The following TMC1 variants were observed in gnomAD, a reference collection of about 807,000 sequenced individuals.
The protein encoded by TMC1 is transmembrane channel like 1.
TMC1 carries 84 observed loss-of-function variants against 105.8 expected under a neutral mutation model. The observed-to-expected ratio is 0.79, with a 90% confidence interval of 0.67 to 0.95. The LOEUF (loss-of-function observed/expected upper bound fraction) is 0.95, where lower values mean the gene tolerates loss of function less well. Among genes scored for constraint, TMC1 ranks in the 40% least tolerant of loss-of-function variants. TMC1 has a pLI of 0.00. For synonymous variants in TMC1, 315 were observed against 311.5 expected (o/e 1.01, Z -0.12); for missense variants, 817 against 914.1 (o/e 0.89, Z 1.37).
chr9:72,758,557 A>T (rs966709379), intron 12 of TMC1, among the ~76,000 whole-genome samples: 11 of 152,196 alleles, frequency 7.2e-5, no homozygotes, highest in African/African-American at 2.4e-4. Context: ...CTGCCTGAGC[A>T]CAGATTGTCT....
At chr9:72,744,308 G>T (rs1246879753) in intron 10 of TMC1, among the ~76,000 whole-genome samples, 1 of 151,988 alleles carries the variant, frequency 6.6e-6, no homozygotes, top group African/African-American at 2.4e-5. Context: ...CCAATAGATG[G>T]GAAATTTAGT....
chr9:72,832,788 G>T (rs1419126464), intron 23 of TMC1, among the ~76,000 whole-genome samples: 2 of 151,978 alleles, frequency 1.3e-5, no homozygotes, highest in Admixed American at 1.3e-4. Flanking sequence ...AGTTTTTAAT[G>T]AAATTTTTAA....
intron 20 of TMC1, among the ~76,000 whole-genome samples, chr9:72,824,851 C>G (rs1179914404): frequency 2.6e-5 from 4 of 152,226 alleles, no homozygotes; most frequent in Non-Finnish European, 5.9e-5. Flanking sequence ...TAACTTGGAC[C>G]TTGGCTTTCA....
At chr9:72,646,670 G>A (rs1016924754) in intron 4 of TMC1, among the ~76,000 whole-genome samples, 11 of 150,660 alleles carry the variant, frequency 7.3e-5, no homozygotes, top group African/African-American at 1.5e-4. Context: ...GTCTCGCCCC[G>A]TCCTGCAGAC....
intron 12 of TMC1, among the ~76,000 whole-genome samples, chr9:72,758,115 T>C (rs1827700637): frequency 6.6e-6 from 1 of 152,234 alleles, no homozygotes; most frequent in Non-Finnish European, 1.5e-5. Context: ...GAATTTTATA[T>C]GATATACAAG....
At chr9:72,683,749 A>ATATATATATAT (rs1826330719) in intron 5 of TMC1, among the ~76,000 whole-genome samples, 1 of 104,188 alleles carries the variant, frequency 9.6e-6, no homozygotes, top group Non-Finnish European at 1.8e-5. Context: ...ATATATATAT[A>ATATATATATAT]TATATATATA....
intron 4 of TMC1, among the ~76,000 whole-genome samples, chr9:72,629,778 T>G (rs1435707842): frequency 1.3e-5 from 2 of 152,220 alleles, no homozygotes; most frequent in Admixed American, 1.3e-4. Flanking sequence ...ATGATAACTT[T>G]AGAAATTCTA....
intron 13 of TMC1, among the ~76,000 whole-genome samples, chr9:72,785,940 A>G (rs920421288): frequency 4.6e-5 from 7 of 152,196 alleles, no homozygotes; most frequent in Non-Finnish European, 7.4e-5. Context: ...GTGGGCTTCT[A>G]GAAAATTGTT....
chr9:72,805,404 C>G lies in TMC1; in HGVS notation c.1589C>G (p.Ser530Cys). 1 of 1,613,910 alleles carries G rather than the reference C, an allele frequency of 6.2e-7. No individual in the cohort carries two copies. Among genetic ancestry groups the G allele is most frequent in the Non-Finnish European group, 8.5e-7 (1 of 1,179,908 alleles). ...VGQEFVRLTV[S>C]DVLTTYVTIL... ...CAGGAGTTTGTGAGGCTGACAGTCT[C>G]TGATGTTCTGACCACCTACGTCACA... Residue 530 changes from serine (S) to cysteine (C), a missense_variant, in exon 18 of 24, where the codon TCT becomes TGT. Physicochemically the swap from Ser to Cys is moderately radical, Grantham distance 112. Coordinates refer to ENST00000297784, the MANE Select transcript of TMC1 (RefSeq NM_138691.3).
intron 12 of TMC1, among the ~76,000 whole-genome samples, chr9:72,763,208 CCT>C (rs1348437784): frequency 6.7e-6 from 1 of 150,068 alleles, no homozygotes; most frequent in African/African-American, 2.5e-5. Flanking sequence ...TGCATATGAT[CCT>C]AATGCTATAC....
chr9:72,630,016 C>T (rs1825421333), intron 4 of TMC1, among the ~76,000 whole-genome samples: 1 of 152,080 alleles, frequency 6.6e-6, no homozygotes. Flanking sequence ...CAGGCGCCTG[C>T]CACCATGCCT....
At chr9:72,793,856 C>T (rs1828318440) in intron 17 of TMC1, among the ~76,000 whole-genome samples, 1 of 152,194 alleles carries the variant, frequency 6.6e-6, no homozygotes, top group Admixed American at 6.5e-5. Context: ...CTCCAGCTAC[C>T]CTCTGCTAGA....
At chr9:72,533,899 G>A (rs1305646871) in intron 1 of TMC1, among the ~76,000 whole-genome samples, 2 of 152,148 alleles carry the variant, frequency 1.3e-5, no homozygotes, top group African/African-American at 4.8e-5. Context: ...TTGGGAGGCC[G>A]AGGGAGGTGG....
intron 5 of TMC1, 81 bp from the exon 6 acceptor site, chr9:72,688,628 A>G: frequency 1.5e-6 from 2 of 1,318,726 alleles, no homozygotes; most frequent in South Asian, 1.3e-5. Flanking sequence ...CATTATGATA[A>G]AAACAATAAA....
chr9:72,684,804 TCAAG>T (rs914858578), intron 5 of TMC1, among the ~76,000 whole-genome samples: 4 of 152,194 alleles, frequency 2.6e-5, no homozygotes, highest in African/African-American at 9.6e-5. Context: ...CTTCAGGTGC[TCAAG>T]CAAAGAACCT....
At chr9:72,654,737 T>A (rs1825859423) in intron 5 of TMC1, among the ~76,000 whole-genome samples, 1 of 152,102 alleles carries the variant, frequency 6.6e-6, no homozygotes, top group Admixed American at 6.6e-5. Flanking sequence ...AAGAGATTTT[T>A]AAAAATAAGA....
At chr9:72,652,559 A>C (rs1310204874) in intron 5 of TMC1, among the ~76,000 whole-genome samples, 1 of 152,216 alleles carries the variant, frequency 6.6e-6, no homozygotes, top group African/African-American at 2.4e-5. Context: ...GGAAGGTGGG[A>C]TCAGTTAAGA....
intron 2 of TMC1, among the ~76,000 whole-genome samples, chr9:72,586,503 T>A (rs1229029451): frequency 6.6e-6 from 1 of 152,142 alleles, no homozygotes; most frequent in Non-Finnish European, 1.5e-5. Flanking sequence ...TGCAAAGTTT[T>A]CAAAAAGGCT....
intron 20 of TMC1, among the ~76,000 whole-genome samples, chr9:72,821,517 A>G (rs1399067163): frequency 6.6e-6 from 1 of 151,824 alleles, no homozygotes; most frequent in Non-Finnish European, 1.5e-5. Context: ...AAAAAAAAAA[A>G]GAAAGAAATG....
Sources: allele counts gnomAD v4.1 joint callset (sites outside exome capture counted in the v4.1 genomes callset), GRCh38; gene constraint gnomAD v4.1.1; transcripts MANE v1.5; gene names NCBI Gene and HGNC (gene_info 2026-07-23, HGNC 2026-07-21).